The following B3GLCT variants were observed in gnomAD, a reference collection of about 807,000 sequenced individuals.
B3GLCT encodes beta 3-glucosyltransferase, also known as beta-1,3-glucosyltransferase.
A neutral mutation model predicts 63.4 loss-of-function variants in B3GLCT; 65 were observed. The observed-to-expected ratio is 1.03, with a 90% CI of 0.84 to 1.26. The LOEUF (loss-of-function observed/expected upper bound fraction) is 1.26, where lower values mean the gene tolerates loss of function less well. Among genes scored for constraint, B3GLCT ranks in the 50% most tolerant of loss-of-function variants. B3GLCT has a pLI of 0.00. For synonymous variants in B3GLCT, 233 were observed against 219.2 expected (o/e 1.06, Z -0.55); for missense variants, 577 against 604.8 (o/e 0.95, Z 0.48).
chr13:31,254,229 AG>A (rs1871600270), intron 6 of B3GLCT, among the ~76,000 whole-genome samples: 1 of 152,184 alleles, frequency 6.6e-6, no homozygotes, highest in Non-Finnish European at 1.5e-5. Context: ...AACAATAAAA[AG>A]AGAAAATTTC....
intron 4 of B3GLCT, among the ~76,000 whole-genome samples, chr13:31,236,804 G>A (rs1870672402): frequency 6.6e-6 from 1 of 152,042 alleles, no homozygotes; most frequent in South Asian, 2.1e-4. Flanking sequence ...ATTAAAAGTT[G>A]ACTTTATTCC....
intron 10 of B3GLCT, among the ~76,000 whole-genome samples, chr13:31,277,015 T>C (rs1302385571): frequency 1.3e-5 from 2 of 152,200 alleles, no homozygotes; most frequent in East Asian, 3.8e-4. Flanking sequence ...GGCAGTATTT[T>C]AAATTGGAAA....
At chr13:31,317,831 T>C in intron 13 of B3GLCT, 146 bp downstream of exon 13, 1 of 981,318 alleles carries the variant, frequency 1.0e-6, no homozygotes, top group East Asian at 2.7e-5. Context: ...GTGAACATTA[T>C]ATTTGCTAAA....
chr13:31,264,022 G>C (rs895691058), intron 7 of B3GLCT, among the ~76,000 whole-genome samples: 1 of 152,148 alleles, frequency 6.6e-6, no homozygotes, highest in Non-Finnish European at 1.5e-5. Flanking sequence ...AGTGTCTGGT[G>C]AGTGCCAGTT....
intron 12 of B3GLCT, among the ~76,000 whole-genome samples, chr13:31,310,705 A>G (rs949653578): frequency 6.6e-6 from 1 of 152,220 alleles, no homozygotes; most frequent in African/African-American, 2.4e-5. Flanking sequence ...TGAATGAGCT[A>G]TAACAGGAAC....
intron 7 of B3GLCT, 52 bp from the exon 8 acceptor site, chr13:31,269,162 T>C: frequency 8.1e-7 from 1 of 1,237,754 alleles, no homozygotes; most frequent in African/African-American, 1.5e-5. Context: ...TGTGTTAGTC[T>C]TGCTTGACAC....
chr13:31,244,012 A>T (rs531415933), intron 4 of B3GLCT, among the ~76,000 whole-genome samples: 1 of 152,244 alleles, frequency 6.6e-6, no homozygotes, highest in Admixed American at 6.5e-5. Context: ...ATTACCTTTT[A>T]GGTTTGAAAT....
In B3GLCT at chr13:31,298,834, G is replaced by T. The variant is rs149003168; in HGVS notation, c.1064+12015G>T. On this transcript the variant is annotated intron_variant, in intron 12 of 14. Transcript: ENST00000343307. Reference sequence around the variant, plus strand: ...ATAGCTGCATTCACTCTTAGCCCCAGCTTTGCTAAGCGGGGTGAAGGAGCA... The same window carrying T: ...ATAGCTGCATTCACTCTTAGCCCCATCTTTGCTAAGCGGGGTGAAGGAGCA... Among the ~76,000 whole-genome samples, 837 of 152,342 alleles carry T rather than the reference G, an allele frequency of 5.5e-3. 12 individuals carry two copies. Among genetic ancestry groups the T allele is most frequent in the African/African-American group, 0.019 (804 of 41,578 alleles).
chr13:31,222,902 G>A (rs775229706), intron 2 of B3GLCT, 50 bp from the exon 3 acceptor site: 2 of 1,236,766 alleles, frequency 1.6e-6, no homozygotes, highest in East Asian at 2.3e-5. Flanking sequence ...TGTACTGCTG[G>A]CTTTGTTATG....
intron 9 of B3GLCT, among the ~76,000 whole-genome samples, chr13:31,275,747 C>T (rs189973090): frequency 2.0e-5 from 3 of 152,248 alleles, no homozygotes; most frequent in Admixed American, 2.0e-4. Context: ...CAGTCACACA[C>T]AAGTCTGTGT....
At chr13:31,290,423 C>T (rs1467982199) in intron 12 of B3GLCT, among the ~76,000 whole-genome samples, 2 of 152,308 alleles carry the variant, frequency 1.3e-5, no homozygotes, top group Non-Finnish European at 2.9e-5. Context: ...GTTCTAGATC[C>T]TTGAGGGATC....
Position 31,329,599 on chromosome 13 carries a change from A to G in B3GLCT, c.1428A>G (p.Thr476=), listed in dbSNP as rs1211068478. 5 of 1,614,210 alleles carry G rather than the reference A, an allele frequency of 3.1e-6. No individual in the cohort carries two copies. The highest frequency in any genetic ancestry group is 1.1e-5 in the South Asian group (1 of 91,080). The change falls in exon 15 of 15, where the codon ACA becomes ACG. Residue 476 remains threonine (T), a synonymous_variant. Coordinates refer to ENST00000343307, the MANE Select transcript of B3GLCT (RefSeq NM_194318.4). ...WNIDPVKVYF[T]WLAPSDEDKA... ...TCGATCCAGTGAAGGTGTATTTCAC[A>G]TGGTTGGCACCCAGTGACGAAGACA...
At chr13:31,255,203 T>C (rs1871675375) in intron 6 of B3GLCT, among the ~76,000 whole-genome samples, 1 of 152,058 alleles carries the variant, frequency 6.6e-6, no homozygotes, top group Non-Finnish European at 1.5e-5. Flanking sequence ...CATTCACAGT[T>C]GCTACAAAGA....
At chr13:31,235,002 C>T (rs866790491) in intron 4 of B3GLCT, among the ~76,000 whole-genome samples, 28 of 152,222 alleles carry the variant, frequency 1.8e-4, no homozygotes, top group African/African-American at 6.3e-4. Context: ...GGCCATGCTG[C>T]ACAGGGCGGG....
intron 7 of B3GLCT, among the ~76,000 whole-genome samples, chr13:31,266,240 T>C (rs1352247207): frequency 1.6e-4 from 25 of 152,226 alleles, no homozygotes; most frequent in South Asian, 8.3e-4. Context: ...CCTCATGTTT[T>C]GCCCGCCTTG....
rs547557199 is a variant in B3GLCT at position 31,220,737 on chromosome 13, T to A, written c.121-2215T>A. Among the ~76,000 whole-genome samples, 4 of 152,338 alleles carry A rather than the reference T, an allele frequency of 2.6e-5. No homozygotes were observed. In the South Asian group the frequency reaches 8.3e-4, roughly 32 times the overall value. On this transcript the variant is annotated intron_variant, in intron 2 of 14. Coordinates refer to ENST00000343307, the MANE Select transcript of B3GLCT (RefSeq NM_194318.4). ...AAATGGCTAATCATTTCCTAGCTAT[T>A]GTGTCAGTCAACAGAGCTGCTGTGT...
intron 6 of B3GLCT, among the ~76,000 whole-genome samples, chr13:31,250,380 G>T (rs1443892458): frequency 6.6e-6 from 1 of 152,136 alleles, no homozygotes; most frequent in Non-Finnish European, 1.5e-5. Flanking sequence ...TGCCCTGTTG[G>T]CCAGTCTGGT....
intron 12 of B3GLCT, among the ~76,000 whole-genome samples, chr13:31,316,955 A>G (rs1362022934): frequency 6.6e-6 from 1 of 152,154 alleles, no homozygotes; most frequent in Non-Finnish European, 1.5e-5. Flanking sequence ...AGGTATTCAA[A>G]AGTATAAGCA....
At chr13:31,289,505 A>T (rs1873533246) in intron 12 of B3GLCT, among the ~76,000 whole-genome samples, 1 of 152,220 alleles carries the variant, frequency 6.6e-6, no homozygotes, top group Non-Finnish European at 1.5e-5. Flanking sequence ...AGAATCTTTA[A>T]AATTAGCAAG....
Sources: gnomAD v4.1 joint callset for allele counts (sites outside exome capture counted in the v4.1 genomes callset) on GRCh38, gnomAD v4.1.1 for gene constraint, MANE v1.5 for transcripts, NCBI Gene and HGNC (gene_info 2026-07-23, HGNC 2026-07-21) for gene names.